Variants in CCDC102A observed in about 807,000 individuals in gnomAD.
CCDC102A encodes coiled-coil domain containing 102A, also known as coiled-coil domain-containing protein 102A.
CCDC102A carries 40 observed loss-of-function variants against 55.5 expected under a neutral mutation model. The observed-to-expected ratio is 0.72, with a 90% CI of 0.56 to 0.94. CCDC102A has a LOEUF of 0.94. Among genes scored for constraint, CCDC102A ranks in the 40% least tolerant of loss-of-function variants. The probability of loss-of-function intolerance (pLI) is 0.00; values close to 1 mark genes in which losing one functional copy is unlikely to be tolerated. For synonymous variants in CCDC102A, 323 were observed against 339.0 expected, an observed-to-expected ratio of 0.95 and a Z score of 0.52; for missense variants, 779 against 768.6, an observed-to-expected ratio of 1.01 and a Z score of -0.16.
intron 3 of CCDC102A, among the ~76,000 whole-genome samples, chr16:57,523,393 G>C (rs2032082731): frequency 6.6e-6 from 1 of 152,012 alleles, no homozygotes; most frequent in African/African-American, 2.4e-5. Context: ...GCCATCTTTG[G>C]TATTCCTTGG....
chr16:57,521,108 T>C lies in CCDC102A; in HGVS notation c.881A>G (p.Tyr294Cys), dbSNP rs753126211. ...EGELSQWKIK[Y>C]EELSKTKQEM... ...CTGCTTGGTCTTGCTCAGCTCCTCA[T>C]ACTTGATCTTCCACTGGCTGAGCTC... Residue 294 changes from tyrosine to cysteine, a missense_variant, in exon 4 of 9, where the codon TAT becomes TGT. By Grantham distance (194) the Tyr-to-Cys change is radical (BLOSUM62 -2). Transcript: ENST00000258214. 1.2e-6 allele frequency: 2 copies of C among 1,613,634 alleles called. No individual in the cohort carries two copies. The highest frequency in any genetic ancestry group is 2.2e-5 in the East Asian group (1 of 44,890).
rs17845157 is a variant in CCDC102A at position 57,528,893 on chromosome 16, G to A, written c.285C>T (p.Arg95=). ...AATTGGCAGTGCAGTCCGACCACCG[G>A]CGCATGGTCTTCTCCATCTGCGCCG... ...ARAAQMEKTM[R]RWSDCTANWR... The change falls in exon 2 of 9, where the codon CGC becomes CGT. Residue 95 remains arginine (R), a synonymous_variant. Transcript: ENST00000258214. 2 of 1,402,704 alleles carry A rather than the reference G, an allele frequency of 1.4e-6. No individual in the cohort carries two copies. The highest frequency in any genetic ancestry group is 1.3e-5 in the South Asian group (1 of 77,860). 86.9% of individuals were successfully genotyped at this position (1,402,704 alleles called of 1,614,324 possible). A position where few individuals can be genotyped will look rare whatever the true frequency, so the allele number is the denominator to read the frequency against.
intron 1 of CCDC102A, among the ~76,000 whole-genome samples, chr16:57,536,011 C>A (rs936533852): frequency 6.6e-6 from 1 of 152,204 alleles, no homozygotes; most frequent in African/African-American, 2.4e-5. Context: ...CACCTAGCGA[C>A]GGGCGGAGGG....
intron 5 of CCDC102A, 102 bp downstream of exon 5, chr16:57,518,523 A>G: frequency 2.0e-6 from 2 of 995,510 alleles, no homozygotes; most frequent in Non-Finnish European, 3.1e-6. Flanking sequence ...CCCCGCTCAG[A>G]GCACAGTCCT....
At position 57,512,545 on chromosome 16, in the gene CCDC102A, T is replaced by C; in HGVS notation, c.*196A>G. 4.9e-6 allele frequency: 3 copies of C among 617,156 alleles called. No individual in the cohort carries two copies. The South Asian group carries it at 7.0e-5, about 14-fold the overall frequency. The allele number at this position is 617,156 out of a possible 1,614,324, so 38.2% of individuals were successfully genotyped here. ...GCGCGCGCGCGTGTGTGTATATATATATATAAAACATAGGCTTCCTTTCCA... is the reference window on the plus strand; with the variant it reads ...GCGCGCGCGCGTGTGTGTATATATACATATAAAACATAGGCTTCCTTTCCA... On this transcript the variant is annotated 3_prime_UTR_variant, in exon 9 of 9. Coordinates refer to ENST00000258214, the MANE Select transcript of CCDC102A (RefSeq NM_033212.4).
At chr16:57,520,455 C>A (rs1265815881) in intron 4 of CCDC102A, among the ~76,000 whole-genome samples, 1 of 151,978 alleles carries the variant, frequency 6.6e-6, no homozygotes, top group African/African-American at 2.4e-5. Context: ...GACTGTCGGT[C>A]TCCCATGCCC....
intron 2 of CCDC102A, among the ~76,000 whole-genome samples, chr16:57,526,682 C>G (rs2032146161): frequency 6.6e-6 from 1 of 152,194 alleles, no homozygotes; most frequent in South Asian, 2.1e-4. Flanking sequence ...TCTCCAAGGC[C>G]TGTCTCTGAC....
intron 4 of CCDC102A, 61 bp downstream of exon 4, chr16:57,521,007 C>T: frequency 9.6e-7 from 1 of 1,044,840 alleles, no homozygotes; most frequent in Non-Finnish European, 1.5e-6. Context: ...ATCTCCACTA[C>T]TGAAATTCAA....
chr16:57,520,719 C>G (rs2032035070), intron 4 of CCDC102A, among the ~76,000 whole-genome samples: 1 of 151,906 alleles, frequency 6.6e-6, no homozygotes. Flanking sequence ...GCAGAAGGAT[C>G]ACTTGGGTCC....
intron 1 of CCDC102A, among the ~76,000 whole-genome samples, chr16:57,536,169 G>A (rs539284514): frequency 1.3e-5 from 2 of 152,198 alleles, no homozygotes; most frequent in Non-Finnish European, 2.9e-5. Flanking sequence ...CGACCACGTT[G>A]GGTCCCCCGG....
Position 57,529,570 on chromosome 16 carries a change from C to T in CCDC102A, c.-147-246G>A, listed in dbSNP as rs966518616. On this transcript the variant is annotated intron_variant, in intron 1 of 8. Coordinates refer to ENST00000258214, the MANE Select transcript of CCDC102A (RefSeq NM_033212.4). The surrounding 1 kb of genome is among the most constrained non-coding windows in gnomAD (Gnocchi z 4.1). ...CTGAAACCTTGATCTGTTCTTTATT[C>T]TCCCGGTCCCGGCTCACACACTGAT... is the stretch of plus-strand genomic sequence containing the variant. Among the ~76,000 whole-genome samples the T allele has an allele frequency of 1.3e-5, 2 of 152,224 alleles. No homozygotes were observed. Among genetic ancestry groups the T allele is most frequent in the Non-Finnish European group, 2.9e-5 (2 of 68,038 alleles).
upstream of CCDC102A, among the ~76,000 whole-genome samples, chr16:57,536,945 C>T (rs933690066): frequency 6.6e-6 from 1 of 152,206 alleles, no homozygotes; most frequent in Non-Finnish European, 1.5e-5. Flanking sequence ...CTTACCAAGT[C>T]TTCACTGTTG....
chr16:57,520,725 G>C (rs1312162515), intron 4 of CCDC102A, among the ~76,000 whole-genome samples: 2 of 151,782 alleles, frequency 1.3e-5, no homozygotes, highest in Non-Finnish European at 2.9e-5. Context: ...GGATCACTTG[G>C]GTCCAGGAGT....
rs2146698872 is a variant in CCDC102A at position 57,516,645 on chromosome 16, G to A, written c.1249-182C>T. 2 of 618,636 alleles carry A rather than the reference G, an allele frequency of 3.2e-6. No homozygotes were observed. Among genetic ancestry groups the A allele is most frequent in the South Asian group, 3.9e-5 (2 of 51,752 alleles). The allele number at this position is 618,636 out of a possible 1,614,324, so 38.3% of individuals were successfully genotyped here. On this transcript the variant is annotated intron_variant, in intron 6 of 8. Transcript: ENST00000258214. This position sits in a 1 kb window ranked among gnomAD's most constrained non-coding sequence, Gnocchi z 4.4. ...GGTTTGGCTGAGCAGCCAGAGGCTG[G>A]AGGTGCCTTCCAGGGAGGTGAGAAG...
chr16:57,522,150 T>C (rs748435530), intron 3 of CCDC102A, among the ~76,000 whole-genome samples: 78 of 152,360 alleles, frequency 5.1e-4, no homozygotes, highest in Non-Finnish European at 1.0e-3. Flanking sequence ...CTGATTTACA[T>C]TGAAACAGAA....
Position 57,528,988 on chromosome 16 carries a change from G to T in CCDC102A, c.190C>A (p.Leu64Met). Residue 64 changes from leucine (L) to methionine (M), a missense_variant, in exon 2 of 9, where the codon CTG becomes ATG. Transcript: ENST00000258214. ...ALPLPPAPAL[L>M]ADGDWESREE... ...CGGCTCTCCCAGTCGCCGTCGGCCA[G>T]CAGCGCGGGCGCGGGGGGCAGGGGC... is the stretch of plus-strand genomic sequence containing the variant. The T allele has an allele frequency of 8.4e-7, 1 of 1,196,298 alleles. No individual in the cohort carries two copies. Among genetic ancestry groups the T allele is most frequent in the Non-Finnish European group, 1.0e-6 (1 of 957,700 alleles). 74.1% of individuals were successfully genotyped at this position (1,196,298 alleles called of 1,614,324 possible).
Position 57,529,011 on chromosome 16 carries a change from G to A in CCDC102A, c.167C>T (p.Pro56Leu). 9.0e-7 allele frequency: 1 copy of A among 1,107,468 alleles called. No homozygotes were observed. Among genetic ancestry groups the A allele is most frequent in the Non-Finnish European group, 1.1e-6 (1 of 907,356 alleles). 68.6% of individuals were successfully genotyped at this position (1,107,468 alleles called of 1,614,324 possible). The change falls in exon 2 of 9, where the codon CCC (proline) becomes CTC (leucine). Residue 56 changes from proline to leucine, a missense_variant. Pro to Leu is a moderately conservative substitution (Grantham distance 98). Transcript: ENST00000258214. This position sits in a 1 kb window ranked among gnomAD's most constrained non-coding sequence, Gnocchi z 4.1. Reference sequence around the variant, plus strand: ...CAGCAGCGCGGGCGCGGGGGGCAGGGGCAGTGCGGGCGGCGGCCCGGGCGA... The same window carrying A: ...CAGCAGCGCGGGCGCGGGGGGCAGGAGCAGTGCGGGCGGCGGCCCGGGCGA... Reference protein sequence around the residue: ...TPSPGPPPALPLPPAPALLAD... With the variant: ...TPSPGPPPALLLPPAPALLAD...
intron 3 of CCDC102A, among the ~76,000 whole-genome samples, chr16:57,523,681 C>T (rs576148875): frequency 4.6e-5 from 7 of 151,780 alleles, no homozygotes; most frequent in African/African-American, 1.2e-4. Flanking sequence ...CACAATGGCT[C>T]ATGCCTGTAA....
At chr16:57,534,672 C>A (rs1314725260) in intron 1 of CCDC102A, among the ~76,000 whole-genome samples, 1 of 152,146 alleles carries the variant, frequency 6.6e-6, no homozygotes. Flanking sequence ...GGAAGGTACC[C>A]CTAAGAAGGT....
Sources: gnomAD v4.1 joint callset for allele counts (sites outside exome capture counted in the v4.1 genomes callset) on GRCh38, gnomAD v4.1.1 for gene constraint, Gnocchi (gnomAD v3.1) non-coding constraint, MANE v1.5 for transcripts, NCBI Gene and HGNC (gene_info 2026-07-23, HGNC 2026-07-21) for gene names.